Variants in GLI3 observed in about 807,000 individuals in gnomAD.
The protein encoded by GLI3 is GLI family zinc finger 3, also known as transcription activator GLI3.
Under a neutral mutation model 100.8 loss-of-function variants are expected in GLI3, and 20 were observed. The ratio of observed to expected loss-of-function variants is 0.20; its 90% CI spans 0.14 to 0.29. GLI3 has a LOEUF of 0.29. Ranked by LOEUF, GLI3 falls within the 10% of genes least tolerant of loss-of-function variation. The pLI is 1.00. For synonymous variants in GLI3, 938 were observed against 860.5 expected, an observed-to-expected ratio of 1.09 and a Z score of -1.58; for missense variants, 2,040 against 2,128.5, an observed-to-expected ratio of 0.96 and a Z score of 0.82.
chr7:42,100,490 C>A (rs546129095), intron 3 of GLI3, among the ~76,000 whole-genome samples: 1 of 151,762 alleles, frequency 6.6e-6, no homozygotes, highest in Non-Finnish European at 1.5e-5. Context: ...AATCCCAGCA[C>A]TTTGGGAGGC....
chr7:42,037,857 G>A (rs1472471441), intron 7 of GLI3, among the ~76,000 whole-genome samples: 1 of 152,240 alleles, frequency 6.6e-6, no homozygotes, highest in Non-Finnish European at 1.5e-5. Context: ...CCTGGGTGAA[G>A]ATGAGGAGAC....
At chr7:42,253,602 G>A (rs1288031173) in intron 1 of GLI3, among the ~76,000 whole-genome samples, 1 of 152,230 alleles carries the variant, frequency 6.6e-6, no homozygotes, top group Admixed American at 6.5e-5. Context: ...TCTGGAGCCA[G>A]ACTGCTTAGG....
chr7:42,216,676 AT>A lies in GLI3; in HGVS notation c.124+6453del, dbSNP rs1211253875. Among the ~76,000 whole-genome samples the A allele has an allele frequency of 1.1e-4, 17 of 152,280 alleles. No homozygotes were observed. The East Asian group carries it at 3.3e-3, about 29-fold the overall frequency. On this transcript the variant is annotated intron_variant, in intron 2 of 14. Coordinates refer to ENST00000395925, the MANE Select transcript of GLI3 (RefSeq NM_000168.6). ...AAGTCTATTACTTAAAATAATAATA[AT>A]TTTAAAAATAAAAAAATCTAGTGTT...
chr7:42,211,783 A>C (rs1788278688), intron 2 of GLI3, among the ~76,000 whole-genome samples: 1 of 152,132 alleles, frequency 6.6e-6, no homozygotes, highest in Non-Finnish European at 1.5e-5. Flanking sequence ...TCTTTATTAT[A>C]CCCACCCTTG....
intron 10 of GLI3, among the ~76,000 whole-genome samples, chr7:41,984,833 T>A (rs1787771151): frequency 6.6e-6 from 1 of 152,240 alleles, no homozygotes; most frequent in African/African-American, 2.4e-5. Flanking sequence ...TTAAAAGATT[T>A]CTACAAGGTA....
chr7:42,100,151 G>A lies in GLI3; in HGVS notation c.368-23294C>T, dbSNP rs181659438. 4.5e-4 allele frequency among the ~76,000 whole-genome samples: 68 copies of A among 152,302 alleles called. 1 individual carries two copies. The highest frequency in any genetic ancestry group is 1.4e-3 in the African/African-American group (58 of 41,572). ...ACTCCCAACCCCAGTATTTTCTCAC[G>A]GAGCTGAAAACAAAGACTTGGGAGC... On this transcript the variant is annotated intron_variant, in intron 3 of 14. Coordinates refer to ENST00000395925, the MANE Select transcript of GLI3 (RefSeq NM_000168.6).
chr7:42,258,741 G>C (rs1789111402), intron 1 of GLI3, among the ~76,000 whole-genome samples: 1 of 152,112 alleles, frequency 6.6e-6, no homozygotes, highest in Admixed American at 6.5e-5. Flanking sequence ...GGACCCTTGG[G>C]CTTGTTTTAT....
chr7:41,999,353 A>G (rs1788222464), intron 10 of GLI3, among the ~76,000 whole-genome samples: 2 of 152,184 alleles, frequency 1.3e-5, no homozygotes, highest in African/African-American at 4.8e-5. Flanking sequence ...CTTTGGACAC[A>G]TCTTCTGAAT....
chr7:42,142,754 C>A (rs971597453), intron 3 of GLI3, among the ~76,000 whole-genome samples: 1 of 151,348 alleles, frequency 6.6e-6, no homozygotes, highest in Non-Finnish European at 1.5e-5. Context: ...CATGGTGAAA[C>A]CCCGTCTCTA....
chr7:42,136,868 C>A (rs1363362641), intron 3 of GLI3, among the ~76,000 whole-genome samples: 1 of 152,182 alleles, frequency 6.6e-6, no homozygotes, highest in Non-Finnish European at 1.5e-5. Flanking sequence ...CCAAGCACTC[C>A]CCAGCTGGGC....
At chr7:42,060,088 G>A (rs553172840) in intron 4 of GLI3, among the ~76,000 whole-genome samples, 29 of 152,342 alleles carry the variant, frequency 1.9e-4, no homozygotes, top group Non-Finnish European at 3.5e-4. Flanking sequence ...ACAGAGAAGC[G>A]GCAGCACTGT....
intron 4 of GLI3, among the ~76,000 whole-genome samples, chr7:42,069,886 C>G (rs1394868992): frequency 6.6e-6 from 1 of 152,322 alleles, no homozygotes. Context: ...CCACAGTTTG[C>G]CAATCCCTGT....
intron 2 of GLI3, among the ~76,000 whole-genome samples, chr7:42,178,633 G>A (rs1459228487): frequency 6.6e-6 from 1 of 152,132 alleles, no homozygotes; most frequent in Admixed American, 6.5e-5. Flanking sequence ...GTGTACTGGG[G>A]ACTAGTAGCT....
chr7:42,051,729 C>G (rs1784356602), intron 4 of GLI3, among the ~76,000 whole-genome samples: 1 of 152,108 alleles, frequency 6.6e-6, no homozygotes, highest in Non-Finnish European at 1.5e-5. Context: ...AGCTGTAGTA[C>G]AGAGATTTCC....
chr7:42,235,169 TAAG>T (rs1788766067), intron 1 of GLI3, among the ~76,000 whole-genome samples: 1 of 152,224 alleles, frequency 6.6e-6, no homozygotes, highest in South Asian at 2.1e-4. Context: ...CACATGTAAT[TAAG>T]AAACTGTCAG....
At chr7:42,242,622 G>C (rs754889524), upstream of GLI3, among the ~76,000 whole-genome samples, 31 of 152,028 alleles carry the variant, frequency 2.0e-4, no homozygotes, top group Admixed American at 7.2e-4. Flanking sequence ...ATTCATATCT[G>C]TCCTGCCAAA....
chr7:42,206,523 G>T (rs1479571000), intron 2 of GLI3, among the ~76,000 whole-genome samples: 1 of 151,998 alleles, frequency 6.6e-6, no homozygotes, highest in African/African-American at 2.4e-5. Context: ...TTAAAGAAAT[G>T]ATTATATCCA....
intron 3 of GLI3, among the ~76,000 whole-genome samples, chr7:42,138,296 T>A (rs1186487463): frequency 6.6e-6 from 1 of 152,236 alleles, no homozygotes; most frequent in African/African-American, 2.4e-5. Context: ...AATTGTTCAC[T>A]ATCTCCCACA....
intron 4 of GLI3, among the ~76,000 whole-genome samples, chr7:42,049,817 C>T (rs1003790570): frequency 6.6e-6 from 1 of 152,158 alleles, no homozygotes; most frequent in African/African-American, 2.4e-5. Flanking sequence ...TTGTGCTCCC[C>T]GCTTTTCCTC....
Sources: gnomAD v4.1 joint callset for allele counts (sites outside exome capture counted in the v4.1 genomes callset) on GRCh38, gnomAD v4.1.1 for gene constraint, MANE v1.5 for transcripts, NCBI Gene and HGNC (gene_info 2026-07-23, HGNC 2026-07-21) for gene names.